The following MAP4K3 variants were observed in gnomAD, a reference collection of about 807,000 sequenced individuals.
MAP4K3 encodes mitogen-activated protein kinase kinase kinase kinase 3, also known as MAPK/ERK kinase kinase kinase 3.
Under a neutral mutation model 143.5 loss-of-function variants are expected in MAP4K3, and 94 were observed. That is an observed-to-expected ratio of 0.65 (90% CI 0.55 to 0.78). The LOEUF (loss-of-function observed/expected upper bound fraction) is 0.78. MAP4K3 is among the 30% of genes least tolerant of loss of function. MAP4K3 has a pLI of 0.00. For synonymous variants in MAP4K3, 416 were observed against 347.2 expected, an observed-to-expected ratio of 1.20 and a Z score of -2.20; for missense variants, 1,077 against 1,068.1, an observed-to-expected ratio of 1.01 and a Z score of -0.12.
intron 1 of MAP4K3, among the ~76,000 whole-genome samples, chr2:39,423,318 G>A (rs141015181): frequency 6.6e-6 from 1 of 152,310 alleles, no homozygotes; most frequent in East Asian, 1.9e-4. Flanking sequence ...ATTGCTGTTA[G>A]AAATGCAAAG....
intron 12 of MAP4K3, among the ~76,000 whole-genome samples, chr2:39,319,681 T>C (rs1286907052): frequency 2.0e-5 from 3 of 152,220 alleles, no homozygotes; most frequent in Non-Finnish European, 4.4e-5. Flanking sequence ...ATAAATGTCA[T>C]ATGGTGAGCT....
At chr2:39,334,542 G>T (rs780049205) in intron 6 of MAP4K3, among the ~76,000 whole-genome samples, 1 of 152,126 alleles carries the variant, frequency 6.6e-6, no homozygotes, top group African/African-American at 2.4e-5. Flanking sequence ...GTAGGGGAAG[G>T]AGAAAAAGGA....
intron 3 of MAP4K3, among the ~76,000 whole-genome samples, chr2:39,354,337 G>A (rs1281553169): frequency 2.6e-5 from 4 of 152,126 alleles, no homozygotes; most frequent in Admixed American, 6.5e-5. Flanking sequence ...CCAGCTACTC[G>A]GAAGGTGAGG....
intron 1 of MAP4K3, among the ~76,000 whole-genome samples, chr2:39,400,839 G>A (rs1484372421): frequency 6.6e-6 from 1 of 152,054 alleles, no homozygotes; most frequent in Non-Finnish European, 1.5e-5. Flanking sequence ...GCAGAAAGCA[G>A]CTATACCCTT....
chr2:39,436,894 T>C lies in MAP4K3; in HGVS notation c.94A>G (p.Lys32Glu), dbSNP rs1208935569. 6 of 1,609,302 alleles carry C rather than the reference T, an allele frequency of 3.7e-6. No individual in the cohort carries two copies. Among genetic ancestry groups the C allele is most frequent in the Non-Finnish European group, 5.1e-6 (6 of 1,178,338 alleles). ...CGGCGCGCGGCCCCTGCCTTTACCT[T>C]GTAGACGTCGCCGTAGGTGCCGCTG... ...IGSGTYGDVY[K>E]ARNVNTGELA... The change falls in exon 1 of 34, where the codon AAG (lysine) becomes GAG (glutamate). Residue 32 changes from lysine (K) to glutamate (E), a missense_variant and splice_region_variant. Lys to Glu is a moderately conservative substitution (Grantham distance 56). Transcript: ENST00000263881.
intron 12 of MAP4K3, among the ~76,000 whole-genome samples, chr2:39,322,726 G>C (rs1683352850): frequency 1.3e-5 from 2 of 150,020 alleles, no homozygotes; most frequent in Non-Finnish European, 3.0e-5. Context: ...CTGGAGTGCA[G>C]TCGCATGATC....
At chr2:39,406,813 C>T (rs796814884) in intron 1 of MAP4K3, among the ~76,000 whole-genome samples, 1 of 152,036 alleles carries the variant, frequency 6.6e-6, no homozygotes, top group East Asian at 1.9e-4. Flanking sequence ...TAACAGTACA[C>T]AGAAAAACAG....
intron 22 of MAP4K3, among the ~76,000 whole-genome samples, chr2:39,281,599 A>C (rs1681528864): frequency 6.6e-6 from 1 of 152,116 alleles, no homozygotes; most frequent in Non-Finnish European, 1.5e-5. Context: ...TCCCAATCTT[A>C]AGCTAATTTG....
intron 12 of MAP4K3, among the ~76,000 whole-genome samples, chr2:39,317,905 T>C (rs138340180): frequency 1.2e-3 from 178 of 152,258 alleles, no homozygotes; most frequent in African/African-American, 4.2e-3. Flanking sequence ...ACTGAGTATA[T>C]ACCCAAAGGA....
At chr2:39,313,085 C>T (rs1682995031) in intron 13 of MAP4K3, among the ~76,000 whole-genome samples, 1 of 152,226 alleles carries the variant, frequency 6.6e-6, no homozygotes, top group African/African-American at 2.4e-5. Flanking sequence ...ACTGGTATCA[C>T]TCTTCTGCTC....
At position 39,343,453 on chromosome 2, in the gene MAP4K3, C is replaced by A. The variant is rs950202082; in HGVS notation, c.246-1G>T. The A allele has an allele frequency of 6.2e-7, 1 of 1,611,666 alleles. No individual in the cohort carries two copies. Reference sequence around the variant, plus strand: ...CATGCAAATCCAAAGCTTATCTCGCCTATAAAGAGAAAAGAAGCATGTATC... The same window carrying A: ...CATGCAAATCCAAAGCTTATCTCGCATATAAAGAGAAAAGAAGCATGTATC... On this transcript the variant is annotated splice_acceptor_variant, in intron 3 of 33. Transcript: ENST00000263881. LOFTEE classifies it high-confidence loss of function.
At position 39,288,240 on chromosome 2, in the gene MAP4K3, T is replaced by G; in HGVS notation, c.1355A>C (p.Glu452Ala). 6.2e-7 allele frequency: 1 copy of G among 1,614,122 alleles called. No homozygotes were observed. Among genetic ancestry groups the G allele is most frequent in the African/African-American group, 1.3e-5 (1 of 75,042 alleles). The change falls in exon 20 of 34, where the codon GAG becomes GCG. Residue 452 changes from glutamate (E) to alanine (A), a missense_variant. Physicochemically the swap from Glu to Ala is moderately radical, Grantham distance 107. This residue lies in a region of MAP4K3 where 864 missense variants were observed against 801.2 expected (regional missense o/e 1.08). Coordinates refer to ENST00000263881, the MANE Select transcript of MAP4K3 (RefSeq NM_003618.4). ...IFIPQEMHST[E>A]DENQGTIKRC... ...CTTGATTGTTCCTTGATTTTCATCC[T>G]CAGTAGAATGCATTTCCTGTGGTAT...
chr2:39,358,794 C>G (rs183673479), intron 2 of MAP4K3, among the ~76,000 whole-genome samples: 42 of 152,222 alleles, frequency 2.8e-4, no homozygotes, highest in African/African-American at 9.6e-4. Flanking sequence ...AAAGATAGGC[C>G]TCCTATCACG....
intron 4 of MAP4K3, among the ~76,000 whole-genome samples, chr2:39,340,982 G>A (rs957290556): frequency 2.0e-4 from 31 of 152,278 alleles, no homozygotes; most frequent in African/African-American, 7.2e-4. Flanking sequence ...CTAAAGGAGA[G>A]ATCGCAGATT....
At chr2:39,293,422 A>G (rs17023611) in intron 16 of MAP4K3, among the ~76,000 whole-genome samples, 154 bp from the exon 17 acceptor site, 7,306 of 152,296 alleles carry the variant, frequency 0.048, 196 homozygotes, top group African/African-American at 0.058. Context: ...CTCTGCAACC[A>G]TAAAACATCA....
intron 1 of MAP4K3, among the ~76,000 whole-genome samples, chr2:39,396,555 G>T (rs1007291700): frequency 2.0e-5 from 3 of 148,456 alleles, no homozygotes; most frequent in Non-Finnish European, 1.5e-5. Flanking sequence ...CTCATTGCAA[G>T]CTCCGCCTCC....
At chr2:39,266,549 C>T (rs1259698765) in intron 27 of MAP4K3, among the ~76,000 whole-genome samples, 1 of 150,602 alleles carries the variant, frequency 6.6e-6, no homozygotes, top group East Asian at 1.9e-4. Flanking sequence ...AATGACTCTC[C>T]ATCTATTCAG....
At chr2:39,335,811 G>C (rs188874124) in intron 6 of MAP4K3, among the ~76,000 whole-genome samples, 2 of 152,258 alleles carry the variant, frequency 1.3e-5, no homozygotes, top group East Asian at 3.9e-4. Context: ...TTATCTGCGA[G>C]TCCATTGAAA....
At chr2:39,364,960 G>A (rs902539021) in intron 2 of MAP4K3, among the ~76,000 whole-genome samples, 2 of 151,782 alleles carry the variant, frequency 1.3e-5, no homozygotes, top group African/African-American at 4.8e-5. Context: ...GCTTTTGTCA[G>A]ACCTATGAAG....
Sources: allele counts gnomAD v4.1 joint callset (sites outside exome capture counted in the v4.1 genomes callset), GRCh38; gene constraint gnomAD v4.1.1; regional missense constraint gnomAD v4.1.1; transcripts MANE v1.5; gene names NCBI Gene and HGNC (gene_info 2026-07-23, HGNC 2026-07-21).